The following ROBO1 variants were observed in gnomAD, a reference collection of about 807,000 sequenced individuals.
ROBO1 encodes roundabout homolog 1.
A neutral mutation model predicts 195.9 loss-of-function variants in ROBO1; 149 were observed. That is an observed-to-expected ratio of 0.76 (90% CI 0.67 to 0.87). The LOEUF is 0.87. Ranked by LOEUF, ROBO1 falls within the 40% of genes least tolerant of loss-of-function variation. ROBO1 has a pLI of 0.00. For missense variants in ROBO1, 1,933 were observed against 2,068.3 expected (o/e 0.93, Z 1.27); for synonymous variants, 816 against 733.2 (o/e 1.11, Z -1.82).
intron 2 of ROBO1, among the ~76,000 whole-genome samples, chr3:79,440,391 G>C (rs557279726): frequency 6.6e-6 from 1 of 152,130 alleles, no homozygotes; most frequent in South Asian, 2.1e-4. Context: ...TCTTGCATAA[G>C]CTTCATCCTC....
intron 2 of ROBO1, among the ~76,000 whole-genome samples, chr3:79,406,275 A>G (rs2037545113): frequency 1.3e-5 from 2 of 151,814 alleles, no homozygotes; most frequent in Admixed American, 6.6e-5. Flanking sequence ...TCTAAAAAAA[A>G]AAGTTAACCA....
At chr3:78,951,535 C>T (rs1018028902) in intron 3 of ROBO1, among the ~76,000 whole-genome samples, 3 of 152,026 alleles carry the variant, frequency 2.0e-5, no homozygotes, top group Non-Finnish European at 4.4e-5. Flanking sequence ...AACAACACCA[C>T]ACAGACTGAT....
intron 3 of ROBO1, among the ~76,000 whole-genome samples, chr3:79,003,955 T>G (rs1257654961): frequency 6.6e-6 from 1 of 152,180 alleles, no homozygotes; most frequent in Non-Finnish European, 1.5e-5. Context: ...AATGGCAGAT[T>G]CGAAGCCAGC....
intron 2 of ROBO1, among the ~76,000 whole-genome samples, chr3:79,325,303 A>G (rs973637312): frequency 6.6e-6 from 1 of 152,170 alleles, no homozygotes; most frequent in African/African-American, 2.4e-5. Flanking sequence ...GGAAGCCTCA[A>G]ATGACCTCAC....
intron 14 of ROBO1, 106 bp from the exon 15 acceptor site, chr3:78,662,220 G>A: frequency 2.2e-5 from 21 of 967,616 alleles, no homozygotes; most frequent in South Asian, 1.5e-4. Context: ...CAGTAAAGAA[G>A]AGTCCAAGCC....
chr3:78,603,224 G>A (rs1285689241), intron 29 of ROBO1, among the ~76,000 whole-genome samples: 1 of 151,962 alleles, frequency 6.6e-6, no homozygotes, highest in East Asian at 1.9e-4. Context: ...CTTCATCTTT[G>A]ACCACTTTTA....
chr3:79,710,814 C>G (rs929778822), intron 1 of ROBO1, among the ~76,000 whole-genome samples: 1 of 152,076 alleles, frequency 6.6e-6, no homozygotes, highest in Non-Finnish European at 1.5e-5. Context: ...GGTGAAGGAA[C>G]CTACTTGTCA....
intron 25 of ROBO1, among the ~76,000 whole-genome samples, chr3:78,627,772 A>T (rs936106884): frequency 6.6e-6 from 1 of 152,154 alleles, no homozygotes; most frequent in African/African-American, 2.4e-5. Flanking sequence ...ATTGTAATTG[A>T]CATTAGCATG....
At chr3:78,812,711 C>A (rs868129715) in intron 4 of ROBO1, among the ~76,000 whole-genome samples, 2 of 152,110 alleles carry the variant, frequency 1.3e-5, no homozygotes, top group Non-Finnish European at 1.5e-5. Context: ...TCTTTTGTCA[C>A]CCCAGCACCT....
At chr3:79,168,129 G>A (rs981948467) in intron 2 of ROBO1, among the ~76,000 whole-genome samples, 2 of 152,158 alleles carry the variant, frequency 1.3e-5, no homozygotes, top group Non-Finnish European at 2.9e-5. Flanking sequence ...GGACTTAACA[G>A]TATTCTTTAG....
At chr3:78,873,020 T>G (rs925600743) in intron 4 of ROBO1, among the ~76,000 whole-genome samples, 5 of 152,172 alleles carry the variant, frequency 3.3e-5, no homozygotes, top group African/African-American at 1.2e-4. Flanking sequence ...ATGCCTGGAT[T>G]AAACAAGACT....
chr3:78,883,627 T>TG (rs1412840591), intron 4 of ROBO1, among the ~76,000 whole-genome samples: 1 of 152,218 alleles, frequency 6.6e-6, no homozygotes, highest in East Asian at 1.9e-4. Flanking sequence ...CCCAAAGTGC[T>TG]GAGATTATAG....
intron 8 of ROBO1, among the ~76,000 whole-genome samples, chr3:78,710,657 A>T (rs1263797532): frequency 6.6e-6 from 1 of 151,928 alleles, no homozygotes; most frequent in Admixed American, 6.6e-5. Context: ...ATTTATGTAA[A>T]CTCTTCTAGG....
chr3:79,065,814 T>C (rs1431508392), intron 3 of ROBO1, among the ~76,000 whole-genome samples: 1 of 151,966 alleles, frequency 6.6e-6, no homozygotes, highest in Non-Finnish European at 1.5e-5. Context: ...ATATCCTGTT[T>C]TTCTTATACA....
At chr3:78,945,092 T>G (rs1490895184) in intron 3 of ROBO1, among the ~76,000 whole-genome samples, 1 of 152,014 alleles carries the variant, frequency 6.6e-6, no homozygotes, top group African/African-American at 2.4e-5. Flanking sequence ...ACCTCTGGGG[T>G]CAGGGCATGG....
chr3:79,436,445 ATAGTTT>A (rs1434462408), intron 2 of ROBO1, among the ~76,000 whole-genome samples: 1 of 151,986 alleles, frequency 6.6e-6, no homozygotes, highest in African/African-American at 2.4e-5. Context: ...TTCACCGCAG[ATAGTTT>A]TAGTGTCTTC....
chr3:78,958,012 G>A (rs1576467628), intron 3 of ROBO1, among the ~76,000 whole-genome samples: 1 of 152,250 alleles, frequency 6.6e-6, no homozygotes, highest in Admixed American at 6.5e-5. Context: ...AACTACAAGT[G>A]ACATAGACCG....
chr3:78,761,881 C>G (rs2108371550), intron 4 of ROBO1, among the ~76,000 whole-genome samples: 1 of 152,174 alleles, frequency 6.6e-6, no homozygotes, highest in Non-Finnish European at 1.5e-5. Context: ...AATGTTGTAA[C>G]TAGCTTCCTA....
chr3:79,767,513 T>A (rs1043817982), intron 1 of ROBO1, among the ~76,000 whole-genome samples: 1 of 152,216 alleles, frequency 6.6e-6, no homozygotes, highest in Admixed American at 6.5e-5. Flanking sequence ...ATCGCATCCC[T>A]GCAGGAAAAC....
Sources: gnomAD v4.1 joint callset for allele counts (sites outside exome capture counted in the v4.1 genomes callset) on GRCh38, gnomAD v4.1.1 for gene constraint, MANE v1.5 for transcripts, NCBI Gene and HGNC (gene_info 2026-07-23, HGNC 2026-07-21) for gene names.